RAPGEF4: variants seen among roughly 807,000 people sequenced by gnomAD.
RAPGEF4 encodes the protein Rap guanine nucleotide exchange factor 4, also known as RAP guanine-nucleotide-exchange factor (GEF) 4.
RAPGEF4 carries 66 observed loss-of-function variants against 147.9 expected under a neutral mutation model. The observed-to-expected ratio is 0.45, with a 90% CI of 0.37 to 0.55. The LOEUF (loss-of-function observed/expected upper bound fraction) is 0.55. Among genes scored for constraint, RAPGEF4 ranks in the 20% least tolerant of loss-of-function variants. The pLI, the probability that RAPGEF4 is intolerant of heterozygous loss-of-function variation, is 0.00. For missense variants in RAPGEF4, 1,071 were observed against 1,257.3 expected (o/e 0.85, Z 2.24); for synonymous variants, 419 against 442.7 (o/e 0.95, Z 0.67).
chr2:172,771,424 T>TC (rs1559033207), intron 1 of RAPGEF4, among the ~76,000 whole-genome samples: 1 of 151,896 alleles, frequency 6.6e-6, no homozygotes, highest in East Asian at 1.9e-4. Context: ...TTTTTTTTTT[T>TC]AAATAAAGCG....
intron 4 of RAPGEF4, chr2:172,860,387 G>A (rs1049864037): frequency 1.1e-6 from 1 of 899,734 alleles, no homozygotes; most frequent in African/African-American, 1.8e-5. Flanking sequence ...TTTCATGGAA[G>A]CCTCAAGCAT....
In RAPGEF4 at chr2:173,037,253, AT is replaced by A. The variant is rs370837438; in HGVS notation, c.2853+563del. Among the ~76,000 whole-genome samples the A allele has an allele frequency of 3.8e-3, 577 of 151,770 alleles. 6 individuals are homozygous for A. The highest frequency in any genetic ancestry group is 0.012 in the African/African-American group (509 of 41,470). On this transcript the variant is annotated intron_variant, in intron 29 of 30. Coordinates refer to ENST00000397081, the MANE Select transcript of RAPGEF4 (RefSeq NM_007023.4). Reference sequence around the variant, plus strand: ...CTTATTGTTGGAGACAGGGTCTCTCATTGTCACCCTGGCTAAAGTGCAGTGT... The same window carrying A: ...CTTATTGTTGGAGACAGGGTCTCTCATGTCACCCTGGCTAAAGTGCAGTGT...
At chr2:172,874,203 T>C (rs967049512) in intron 4 of RAPGEF4, among the ~76,000 whole-genome samples, 3 of 152,216 alleles carry the variant, frequency 2.0e-5, no homozygotes, top group African/African-American at 7.2e-5. Flanking sequence ...ACTGGGTAGA[T>C]ACCCAAAGGA....
chr2:172,885,720 G>A (rs1054558861), intron 4 of RAPGEF4, among the ~76,000 whole-genome samples: 1 of 152,082 alleles, frequency 6.6e-6, no homozygotes, highest in African/African-American at 2.4e-5. Context: ...ATCTCTCACT[G>A]GGCCCCTTCC....
intron 1 of RAPGEF4, among the ~76,000 whole-genome samples, chr2:172,779,561 A>G (rs1241993284): frequency 1.3e-5 from 2 of 152,148 alleles, no homozygotes; most frequent in African/African-American, 4.8e-5. Context: ...GAAATGGGTG[A>G]CTGAGGTGGG....
At chr2:172,938,521 C>T (rs1686832005) in intron 6 of RAPGEF4, among the ~76,000 whole-genome samples, 1 of 152,128 alleles carries the variant, frequency 6.6e-6, no homozygotes, top group Non-Finnish European at 1.5e-5. Flanking sequence ...GTGTCCTTGC[C>T]TTCAGTCTCT....
chr2:172,766,082 A>C (rs1696806188), intron 1 of RAPGEF4, among the ~76,000 whole-genome samples: 1 of 152,196 alleles, frequency 6.6e-6, no homozygotes, highest in Non-Finnish European at 1.5e-5. Context: ...AAATGGGCTT[A>C]TCATACCTAA....
At chr2:172,761,103 C>T (rs371433584) in intron 1 of RAPGEF4, among the ~76,000 whole-genome samples, 5 of 139,588 alleles carry the variant, frequency 3.6e-5, no homozygotes, top group East Asian at 2.1e-4. Context: ...ATTTTTCTTT[C>T]TTTTTTTTTT....
rs766822647 is a variant in RAPGEF4 at position 173,020,636 on chromosome 2, C to A, written c.2174C>A (p.Pro725His). 9.1e-5 allele frequency: 147 copies of A among 1,612,972 alleles called. 1 individual carries two copies. The highest frequency in any genetic ancestry group is 1.2e-4 in the Non-Finnish European group (141 of 1,179,668). Reference protein sequence around the residue: ...SSGGEKVVLKPNDVSVFTTLT... With the variant: ...SSGGEKVVLKHNDVSVFTTLT... ...TTCACAGAAAAGGTGGTGCTCAAAC[C>A]TAATGATGTTTCAGTATTTACGACG... Residue 725 changes from proline to histidine, a missense_variant, in exon 23 of 31, where the codon CCT becomes CAT. Physicochemically the swap from Pro to His is moderately conservative, Grantham distance 77. Coordinates refer to ENST00000397081, the MANE Select transcript of RAPGEF4 (RefSeq NM_007023.4).
chr2:172,915,170 G>A (rs1683926572), intron 4 of RAPGEF4, among the ~76,000 whole-genome samples: 1 of 152,118 alleles, frequency 6.6e-6, no homozygotes. Flanking sequence ...CCCTAATTTG[G>A]TAATCTTCAC....
At chr2:172,928,787 C>T (rs1685629879) in intron 6 of RAPGEF4, among the ~76,000 whole-genome samples, 3 of 152,118 alleles carry the variant, frequency 2.0e-5, no homozygotes, top group Admixed American at 2.0e-4. Flanking sequence ...GGCAAGCTAT[C>T]CCAGATAACC....
At chr2:172,929,155 A>G (rs1024346429) in intron 6 of RAPGEF4, among the ~76,000 whole-genome samples, 34 of 152,322 alleles carry the variant, frequency 2.2e-4, no homozygotes, top group African/African-American at 7.7e-4. Context: ...TTGTTTTGAG[A>G]AACTGAGAAC....
At chr2:172,753,836 G>A (rs950487113) in intron 1 of RAPGEF4, among the ~76,000 whole-genome samples, 1 of 151,232 alleles carries the variant, frequency 6.6e-6, no homozygotes, top group African/African-American at 2.4e-5. Context: ...GGTTTGTGAG[G>A]GTTGCTGCTA....
intron 10 of RAPGEF4, among the ~76,000 whole-genome samples, chr2:172,978,696 G>A (rs1002560438): frequency 6.6e-6 from 1 of 152,190 alleles, no homozygotes; most frequent in African/African-American, 2.4e-5. Context: ...CTCCTGTGAT[G>A]GTTTTCTTCT....
chr2:172,746,123 A>C (rs1694743100), intron 1 of RAPGEF4, among the ~76,000 whole-genome samples: 2 of 152,224 alleles, frequency 1.3e-5, no homozygotes, highest in Non-Finnish European at 2.9e-5. Context: ...ACTTTGAAGT[A>C]ATATTTTCCA....
chr2:173,020,408 T>C (rs530513248), intron 22 of RAPGEF4, among the ~76,000 whole-genome samples: 7 of 152,304 alleles, frequency 4.6e-5, no homozygotes, highest in Admixed American at 3.9e-4. Flanking sequence ...CTATTCCTTT[T>C]TGTGGCCATT....
At chr2:172,900,244 GTTA>G (rs1310659069) in intron 4 of RAPGEF4, among the ~76,000 whole-genome samples, 1 of 152,172 alleles carries the variant, frequency 6.6e-6, no homozygotes, top group Non-Finnish European at 1.5e-5. Context: ...TTTGGTTGCT[GTTA>G]TTGTTGTTTA....
chr2:173,001,211 T>C, intron 16 of RAPGEF4, 55 bp from the exon 17 acceptor site: 1 of 1,609,186 alleles, frequency 6.2e-7, no homozygotes, highest in Non-Finnish European at 8.5e-7. Flanking sequence ...ACTCTTGCTT[T>C]CCTAAAGATT....
At chr2:172,844,303 G>C (rs1162403393) in intron 4 of RAPGEF4, among the ~76,000 whole-genome samples, 1 of 152,140 alleles carries the variant, frequency 6.6e-6, no homozygotes, top group Non-Finnish European at 1.5e-5. Flanking sequence ...AGAGACTTTG[G>C]GCAGAGTCCA....
Sources: allele counts gnomAD v4.1 joint callset (sites outside exome capture counted in the v4.1 genomes callset), GRCh38; gene constraint gnomAD v4.1.1; transcripts MANE v1.5; gene names NCBI Gene and HGNC (gene_info 2026-07-23, HGNC 2026-07-21).